Variants in RBMS3 observed in about 807,000 individuals in gnomAD.
RBMS3 encodes RNA binding motif single stranded interacting protein 3.
A neutral mutation model predicts 66.8 loss-of-function variants in RBMS3; 27 were observed. The ratio of observed to expected loss-of-function variants is 0.40; its 90% CI spans 0.30 to 0.56. The LOEUF (loss-of-function observed/expected upper bound fraction) is 0.56, where lower values mean the gene tolerates loss of function less well. RBMS3 is among the 20% of genes least tolerant of loss of function. The pLI is 0.40. For missense variants in RBMS3, 513 were observed against 549.5 expected, an observed-to-expected ratio of 0.93 and a Z score of 0.66; for synonymous variants, 188 against 183.0, an observed-to-expected ratio of 1.03 and a Z score of -0.22.
chr3:29,624,800 A>G (rs766570283), intron 4 of RBMS3, among the ~76,000 whole-genome samples: 2 of 152,204 alleles, frequency 1.3e-5, no homozygotes, highest in Non-Finnish European at 2.9e-5. Flanking sequence ...GGAAAGGAAT[A>G]TAGAAGGTTC....
rs569478079 is a variant in RBMS3 at position 29,992,898 on chromosome 3, T to C, written c.1307+1689T>C. 5.9e-5 allele frequency among the ~76,000 whole-genome samples: 9 copies of C among 152,240 alleles called. No individual in the cohort carries two copies. In the South Asian group the frequency reaches 1.9e-3, roughly 32 times the overall value. ...CAAGATTCTTGCTAAAACTAGGCTA[T>C]AAAGAACTGGCAAGAATGGGGGCAA... On this transcript the variant is annotated intron_variant, in intron 14 of 14. Transcript: ENST00000383767.
intron 6 of RBMS3, among the ~76,000 whole-genome samples, chr3:29,863,597 GT>G (rs2059271306): frequency 6.6e-6 from 1 of 152,020 alleles, no homozygotes; most frequent in South Asian, 2.1e-4. Flanking sequence ...AAATATCAGG[GT>G]GGCTAAATTT....
At chr3:29,345,046 T>C (rs777685821) in intron 1 of RBMS3, among the ~76,000 whole-genome samples, 4 of 152,230 alleles carry the variant, frequency 2.6e-5, no homozygotes, top group Admixed American at 6.5e-5. Flanking sequence ...CCAACTGTGA[T>C]GGCAGCGATA....
intron 3 of RBMS3, among the ~76,000 whole-genome samples, chr3:29,505,505 T>TG (rs1229980692): frequency 2.9e-4 from 31 of 107,190 alleles, no homozygotes; most frequent in African/African-American, 1.2e-3. Flanking sequence ...CCTTCAATTT[T>TG]GTTTTTTTTT....
intron 6 of RBMS3, among the ~76,000 whole-genome samples, chr3:29,852,511 T>A (rs1363202359): frequency 6.6e-6 from 1 of 152,060 alleles, no homozygotes; most frequent in Admixed American, 6.6e-5. Flanking sequence ...CATGAATAGA[T>A]CCTTTTCAAA....
chr3:29,937,954 A>AT (rs1382915748), intron 11 of RBMS3, among the ~76,000 whole-genome samples: 2 of 151,860 alleles, frequency 1.3e-5, no homozygotes, highest in Non-Finnish European at 1.5e-5. Flanking sequence ...ATGTAATGTA[A>AT]TTTTACCGTA....
chr3:29,380,124 A>T (rs1423861172), intron 1 of RBMS3, among the ~76,000 whole-genome samples: 1 of 152,116 alleles, frequency 6.6e-6, no homozygotes, highest in Non-Finnish European at 1.5e-5. Flanking sequence ...TAAAATAAAT[A>T]GTGGGTACTC....
At chr3:29,778,384 G>A (rs1176401600) in intron 6 of RBMS3, among the ~76,000 whole-genome samples, 1 of 150,402 alleles carries the variant, frequency 6.6e-6, no homozygotes, top group Non-Finnish European at 1.5e-5. Flanking sequence ...TATAGTTAGA[G>A]CCAGGAAATG....
chr3:29,769,377 C>A (rs996345412), intron 6 of RBMS3, among the ~76,000 whole-genome samples: 4 of 151,840 alleles, frequency 2.6e-5, no homozygotes, highest in African/African-American at 4.8e-5. Context: ...AGGTTTTGGT[C>A]TTGGATAAAT....
intron 6 of RBMS3, among the ~76,000 whole-genome samples, chr3:29,819,203 C>A (rs1372945710): frequency 6.6e-6 from 1 of 152,098 alleles, no homozygotes; most frequent in Non-Finnish European, 1.5e-5. Context: ...GTTGTTATTT[C>A]ATTCCATATC....
intron 1 of RBMS3, among the ~76,000 whole-genome samples, chr3:29,338,561 G>A (rs760589735): frequency 1.3e-5 from 2 of 152,078 alleles, no homozygotes; most frequent in African/African-American, 2.4e-5. Context: ...ACAGTGGGTG[G>A]AGTCCAGCAA....
chr3:29,778,403 C>A (rs1407747820), intron 6 of RBMS3, among the ~76,000 whole-genome samples: 1 of 151,444 alleles, frequency 6.6e-6, no homozygotes, highest in Non-Finnish European at 1.5e-5. Flanking sequence ...TGTTTCTGAT[C>A]CCCTGTTCCC....
chr3:29,648,548 C>T (rs1190806549), intron 4 of RBMS3, among the ~76,000 whole-genome samples: 2 of 152,158 alleles, frequency 1.3e-5, no homozygotes, highest in East Asian at 1.9e-4. Context: ...GCCGAGATTA[C>T]AGACGTGAGC....
chr3:29,583,420 A>T (rs368574600), intron 3 of RBMS3, among the ~76,000 whole-genome samples: 1 of 152,168 alleles, frequency 6.6e-6, no homozygotes, highest in African/African-American at 2.4e-5. Flanking sequence ...GTATTAATAG[A>T]CACTTTTATC....
intron 2 of RBMS3, among the ~76,000 whole-genome samples, chr3:29,462,939 A>AAACACT (rs2042418188): frequency 6.6e-6 from 1 of 152,248 alleles, no homozygotes; most frequent in Admixed American, 6.5e-5. Flanking sequence ...GTATATGACT[A>AAACACT]GTGTTTTGTT....
chr3:29,598,173 T>C (rs1230435066), intron 4 of RBMS3, among the ~76,000 whole-genome samples: 1 of 152,154 alleles, frequency 6.6e-6, no homozygotes, highest in Non-Finnish European at 1.5e-5. Flanking sequence ...GTCACTACCT[T>C]ATAAAGACAC....
At chr3:29,472,369 T>C (rs1327834493) in intron 2 of RBMS3, among the ~76,000 whole-genome samples, 1 of 152,092 alleles carries the variant, frequency 6.6e-6, no homozygotes, top group Non-Finnish European at 1.5e-5. Context: ...CTAATTTTTG[T>C]ATTTTTAGTA....
chr3:29,691,967 T>TTTTTTTTTTTTTTTTTTA (rs1559574585), intron 4 of RBMS3, among the ~76,000 whole-genome samples: 1 of 144,346 alleles, frequency 6.9e-6, no homozygotes, highest in Admixed American at 7.0e-5. Context: ...TTTTTTTTTT[T>TTTTTTTTTTTTTTTTTTA]GAGATGGAGT....
chr3:29,737,825 TAGTG>T (rs2054448367), intron 4 of RBMS3, among the ~76,000 whole-genome samples: 1 of 126,792 alleles, frequency 7.9e-6, no homozygotes, highest in Non-Finnish European at 1.6e-5. Context: ...GTGGTGGTGA[TAGTG>T]GAGTGTGTGT....
Sources: gnomAD v4.1 joint callset for allele counts (sites outside exome capture counted in the v4.1 genomes callset) on GRCh38, gnomAD v4.1.1 for gene constraint, MANE v1.5 for transcripts, NCBI Gene and HGNC (gene_info 2026-07-23, HGNC 2026-07-21) for gene names.